Variants in CNTNAP5 observed in about 807,000 individuals in gnomAD.
CNTNAP5 encodes the protein contactin associated protein family member 5, also known as contactin-associated protein-like 5.
CNTNAP5 carries 72 observed loss-of-function variants against 150.2 expected under a neutral mutation model. The observed-to-expected ratio is 0.48, with a 90% CI of 0.40 to 0.58. The LOEUF is 0.58. Ranked by LOEUF, CNTNAP5 falls within the 20% of genes least tolerant of loss-of-function variation. The pLI is 0.00. For missense variants in CNTNAP5, 1,636 were observed against 1,626.2 expected (o/e 1.01, Z -0.10); for synonymous variants, 672 against 619.8 (o/e 1.08, Z -1.25).
chr2:124,703,748 G>T (rs1679574849), intron 13 of CNTNAP5, among the ~76,000 whole-genome samples: 2 of 152,122 alleles, frequency 1.3e-5, no homozygotes, highest in South Asian at 4.2e-4. Context: ...TACCTGCATT[G>T]CAGCTGCTGA....
intron 13 of CNTNAP5, among the ~76,000 whole-genome samples, chr2:124,661,392 A>C (rs1030957178): frequency 6.6e-6 from 1 of 152,094 alleles, no homozygotes; most frequent in African/African-American, 2.4e-5. Context: ...ACAAATACAC[A>C]TACTAAACTG....
intron 3 of CNTNAP5, among the ~76,000 whole-genome samples, chr2:124,332,302 T>C (rs1471653418): frequency 6.6e-6 from 1 of 151,444 alleles, no homozygotes; most frequent in Non-Finnish European, 1.5e-5. Context: ...TTCTTACTTC[T>C]CTTGTATATC....
At chr2:124,095,592 C>T (rs1682916580) in intron 1 of CNTNAP5, among the ~76,000 whole-genome samples, 1 of 152,176 alleles carries the variant, frequency 6.6e-6, no homozygotes, top group Non-Finnish European at 1.5e-5. Context: ...TGGAAGCTAA[C>T]CCTACTATCC....
intron 14 of CNTNAP5, among the ~76,000 whole-genome samples, chr2:124,762,240 G>T (rs1487176466): frequency 6.6e-6 from 1 of 151,892 alleles, no homozygotes; most frequent in Non-Finnish European, 1.5e-5. Context: ...GATATTGTAT[G>T]GTATATTTCT....
chr2:124,330,769 A>G (rs1240933181), intron 3 of CNTNAP5, among the ~76,000 whole-genome samples: 1 of 141,368 alleles, frequency 7.1e-6, no homozygotes, highest in Non-Finnish European at 1.6e-5. Flanking sequence ...TAGAGAAATC[A>G]TGCAAAAAAA....
intron 1 of CNTNAP5, among the ~76,000 whole-genome samples, chr2:124,205,606 A>C (rs1360821428): frequency 4.6e-5 from 7 of 151,936 alleles, no homozygotes; most frequent in Non-Finnish European, 1.0e-4. Context: ...TTTAGTAGAG[A>C]TGGGGTTTCA....
chr2:124,134,414 T>A (rs1449583762), intron 1 of CNTNAP5, among the ~76,000 whole-genome samples: 1 of 151,974 alleles, frequency 6.6e-6, no homozygotes, highest in Admixed American at 6.6e-5. Flanking sequence ...CACACCTGGG[T>A]TCCAGACAGA....
chr2:124,229,253 A>G (rs1686551121), intron 2 of CNTNAP5, among the ~76,000 whole-genome samples: 1 of 152,172 alleles, frequency 6.6e-6, no homozygotes, highest in Admixed American at 6.5e-5. Flanking sequence ...AATGAGTTCC[A>G]TCAATAACAA....
chr2:124,411,408 A>G (rs139581168), intron 3 of CNTNAP5, among the ~76,000 whole-genome samples: 5 of 152,020 alleles, frequency 3.3e-5, no homozygotes, highest in East Asian at 3.9e-4. Context: ...TACCAAAGCC[A>G]GGCAGAGACA....
At chr2:124,238,560 T>C (rs967947201) in intron 2 of CNTNAP5, among the ~76,000 whole-genome samples, 3 of 152,218 alleles carry the variant, frequency 2.0e-5, no homozygotes, top group African/African-American at 7.2e-5. Flanking sequence ...ATTTTCTCTT[T>C]AAATGCAAGT....
intron 4 of CNTNAP5, among the ~76,000 whole-genome samples, chr2:124,423,581 C>T (rs1692165206): frequency 6.8e-6 from 1 of 147,748 alleles, no homozygotes; most frequent in Non-Finnish European, 1.5e-5. Flanking sequence ...CTCCTGACCT[C>T]GTGATCCGCC....
rs186345565 is a variant in CNTNAP5 at position 124,076,517 on chromosome 2, C to G, written c.82+50785C>G. 2.1e-3 allele frequency among the ~76,000 whole-genome samples: 313 copies of G among 152,246 alleles called. 2 individuals are homozygous for G. The highest frequency in any genetic ancestry group is 7.3e-3 in the African/African-American group (305 of 41,566). On this transcript the variant is annotated intron_variant, in intron 1 of 23. Coordinates refer to ENST00000682447, the MANE Select transcript of CNTNAP5 (RefSeq NM_001367498.1). ...TGGTTGACACTTTGAAGCTTTCCTT[C>G]TTTCTCAACTGTCCTCCTGTCCTGG...
At chr2:124,504,197 G>T (rs1226238000) in intron 7 of CNTNAP5, 95 bp from the exon 8 acceptor site, 3 of 1,276,248 alleles carry the variant, frequency 2.4e-6, no homozygotes. Context: ...GAATGATCCT[G>T]AAATTAAGGT....
intron 1 of CNTNAP5, among the ~76,000 whole-genome samples, chr2:124,162,285 T>G (rs1684699874): frequency 6.6e-6 from 1 of 152,204 alleles, no homozygotes; most frequent in African/African-American, 2.4e-5. Flanking sequence ...TATTGCATAT[T>G]TAATTTATGA....
chr2:124,651,356 C>A (rs1678319024), intron 13 of CNTNAP5, among the ~76,000 whole-genome samples: 1 of 152,038 alleles, frequency 6.6e-6, no homozygotes, highest in South Asian at 2.1e-4. Flanking sequence ...TAAATGGATA[C>A]AATATAAGAA....
At chr2:124,564,380 A>C (rs1489943946) in intron 11 of CNTNAP5, among the ~76,000 whole-genome samples, 1 of 151,690 alleles carries the variant, frequency 6.6e-6, no homozygotes, top group Non-Finnish European at 1.5e-5. Context: ...TGAGAGAGAG[A>C]GTTTTGCTCT....
In CNTNAP5 at chr2:124,615,331, A is replaced by G. The variant is rs116069199; in HGVS notation, c.1876+5411A>G. Among the ~76,000 whole-genome samples the G allele has an allele frequency of 2.7e-3, 406 of 152,344 alleles. 1 individual carries two copies. Among genetic ancestry groups the G allele is most frequent in the African/African-American group, 9.1e-3 (379 of 41,584 alleles). On this transcript the variant is annotated intron_variant, in intron 12 of 23. Coordinates refer to ENST00000682447, the MANE Select transcript of CNTNAP5 (RefSeq NM_001367498.1). The stretch of plus-strand genomic sequence containing the variant: ...TCATTCCAAATTCTGCCACTGCTTT[A>G]GCAACTAAGCTTGTGGAATATTCTA...
At chr2:124,602,833 A>C (rs1240235261) in intron 11 of CNTNAP5, among the ~76,000 whole-genome samples, 2 of 152,200 alleles carry the variant, frequency 1.3e-5, no homozygotes, top group Non-Finnish European at 2.9e-5. Context: ...ATATAATTTT[A>C]CTACAACTAC....
intron 1 of CNTNAP5, among the ~76,000 whole-genome samples, chr2:124,067,691 TA>T (rs1370405810): frequency 6.6e-6 from 1 of 152,184 alleles, no homozygotes; most frequent in Non-Finnish European, 1.5e-5. Flanking sequence ...TAATTTCAAC[TA>T]TACTTTTTAA....
Sources: allele counts gnomAD v4.1 joint callset (sites outside exome capture counted in the v4.1 genomes callset), GRCh38; gene constraint gnomAD v4.1.1; transcripts MANE v1.5; gene names NCBI Gene and HGNC (gene_info 2026-07-23, HGNC 2026-07-21).